The following GALNT13 variants were observed in gnomAD, a reference collection of about 807,000 sequenced individuals.
GALNT13 encodes UDP-GalNAc:polypeptide N-acetylgalactosaminyltransferase 13.
GALNT13 carries 28 observed loss-of-function variants against 64.2 expected under a neutral mutation model. The ratio of observed to expected loss-of-function variants is 0.44; its 90% confidence interval spans 0.32 to 0.60. The LOEUF (loss-of-function observed/expected upper bound fraction) is 0.60. Ranked by LOEUF, GALNT13 falls within the 20% of genes least tolerant of loss-of-function variation. The pLI is 0.05. For synonymous variants in GALNT13, 214 were observed against 224.6 expected, an observed-to-expected ratio of 0.95 and a Z score of 0.42; for missense variants, 577 against 669.8, an observed-to-expected ratio of 0.86 and a Z score of 1.53.
chr2:153,114,276 T>C, the GALNT13 span, among the ~76,000 whole-genome samples: 1 of 152,124 alleles, frequency 6.6e-6, no homozygotes. Context: ...TGTGACTTCT[T>C]AGCTTTTTCT....
At chr2:153,456,755 C>T in the GALNT13 span, among the ~76,000 whole-genome samples, 1 of 152,128 alleles carries the variant, frequency 6.6e-6, no homozygotes, top group Non-Finnish European at 1.5e-5. Context: ...GGTAACTTGT[C>T]ATGGTTAGAT....
At chr2:153,932,626 C>CTTTT (rs34617568) in intron 2 of GALNT13, among the ~76,000 whole-genome samples, 37 of 95,644 alleles carry the variant, frequency 3.9e-4, no homozygotes, top group African/African-American at 5.3e-4. Context: ...TTCTGTCTTT[C>CTTTT]TTTTTTTTTT....
the GALNT13 span, among the ~76,000 whole-genome samples, chr2:153,702,503 A>G: frequency 6.6e-6 from 1 of 152,124 alleles, no homozygotes; most frequent in East Asian, 1.9e-4. Context: ...TTAGGCCCGT[A>G]TGGTAAATAA....
At chr2:153,639,571 G>A in the GALNT13 span, among the ~76,000 whole-genome samples, 3 of 152,250 alleles carry the variant, frequency 2.0e-5, no homozygotes, top group South Asian at 2.1e-4. Context: ...GAACGTGACT[G>A]TGACATCACT....
intron 11 of GALNT13, among the ~76,000 whole-genome samples, chr2:154,412,301 G>C (rs568265146): frequency 6.6e-6 from 1 of 151,760 alleles, no homozygotes; most frequent in East Asian, 1.9e-4. Context: ...TTCAGGTTTT[G>C]TCTTTCTCAC....
the GALNT13 span, among the ~76,000 whole-genome samples, chr2:153,476,966 C>CCGTCT: frequency 6.6e-6 from 1 of 152,206 alleles, no homozygotes; most frequent in Non-Finnish European, 1.5e-5. Context: ...GCTGTCCAAG[C>CCGTCT]CGTCTCTTCC....
chr2:153,617,580 T>C, the GALNT13 span, among the ~76,000 whole-genome samples: 1 of 151,904 alleles, frequency 6.6e-6, no homozygotes, highest in African/African-American at 2.4e-5. Flanking sequence ...CTTGTATCAG[T>C]TTGGAAGTAT....
chr2:153,512,717 A>G, the GALNT13 span, among the ~76,000 whole-genome samples: 1 of 152,260 alleles, frequency 6.6e-6, no homozygotes. Context: ...AATGTTAGCC[A>G]TAATGATGAT....
At chr2:153,241,014 G>T in the GALNT13 span, among the ~76,000 whole-genome samples, 1 of 152,132 alleles carries the variant, frequency 6.6e-6, no homozygotes, top group Admixed American at 6.6e-5. Flanking sequence ...AAGAACAGGA[G>T]AATACTTAGA....
chr2:154,161,731 G>T (rs1192880798), intron 4 of GALNT13, among the ~76,000 whole-genome samples: 1 of 151,734 alleles, frequency 6.6e-6, no homozygotes, highest in Non-Finnish European at 1.5e-5. Flanking sequence ...ATAAACAAGA[G>T]GATTAGTTTA....
intron 8 of GALNT13, among the ~76,000 whole-genome samples, chr2:154,267,883 G>C (rs982122399): frequency 6.6e-6 from 1 of 152,132 alleles, no homozygotes; most frequent in East Asian, 1.9e-4. Flanking sequence ...ATAAGCAATT[G>C]AGTAAATCCT....
chr2:153,859,441 C>T, the GALNT13 span, among the ~76,000 whole-genome samples: 1 of 152,126 alleles, frequency 6.6e-6, no homozygotes, highest in African/African-American at 2.4e-5. Context: ...CAATGAATCT[C>T]AAACCAGGGT....
chr2:154,029,201 AAAAG>A (rs1338378703), intron 3 of GALNT13, among the ~76,000 whole-genome samples: 33 of 151,850 alleles, frequency 2.2e-4, no homozygotes, highest in Admixed American at 2.1e-3. Flanking sequence ...AAAAAAAAAA[AAAAG>A]ATCGTCTACA....
chr2:153,803,691 CAAAAA>C, the GALNT13 span, among the ~76,000 whole-genome samples: 1 of 105,100 alleles, frequency 9.5e-6, no homozygotes, highest in South Asian at 3.7e-4. Flanking sequence ...GACTCTGTCT[CAAAAA>C]AAAAAAAAAA....
chr2:153,630,183 A>G, the GALNT13 span, among the ~76,000 whole-genome samples: 1 of 151,996 alleles, frequency 6.6e-6, no homozygotes, highest in African/African-American at 2.4e-5. Flanking sequence ...ATGCTGCTAT[A>G]AAGACACATG....
chr2:153,720,364 A>C, the GALNT13 span, among the ~76,000 whole-genome samples: 1 of 150,572 alleles, frequency 6.6e-6, no homozygotes, highest in Admixed American at 6.6e-5. Flanking sequence ...ATGGGGAAAA[A>C]ACAGAGCAGA....
At chr2:153,721,240 A>C in the GALNT13 span, among the ~76,000 whole-genome samples, 13 of 149,592 alleles carry the variant, frequency 8.7e-5, no homozygotes, top group South Asian at 2.2e-4. Flanking sequence ...GAAATAAAAT[A>C]CTTTACAGAC....
At chr2:153,999,922 A>G (rs1004311773) in intron 3 of GALNT13, among the ~76,000 whole-genome samples, 1 of 151,970 alleles carries the variant, frequency 6.6e-6, no homozygotes, top group African/African-American at 2.4e-5. Context: ...GTTTGTTAGA[A>G]TTCAAACCTG....
chr2:153,251,327 C>A, the GALNT13 span, among the ~76,000 whole-genome samples: 1 of 152,068 alleles, frequency 6.6e-6, no homozygotes, highest in East Asian at 1.9e-4. Context: ...AATTAATTTC[C>A]TTGTCAATTG....
Sources: gnomAD v4.1 joint callset for allele counts (sites outside exome capture counted in the v4.1 genomes callset) on GRCh38, gnomAD v4.1.1 for gene constraint, MANE v1.5 for transcripts, NCBI Gene and HGNC (gene_info 2026-07-23, HGNC 2026-07-21) for gene names.